The following TOR1AIP2 variants were observed in gnomAD, a reference collection of about 807,000 sequenced individuals.
TOR1AIP2 encodes torsin 1A interacting protein 2, also known as torsin-1A-interacting protein 2.
A neutral mutation model predicts 32.6 loss-of-function variants in TOR1AIP2; 20 were observed. The ratio of observed to expected loss-of-function variants is 0.61; its 90% CI spans 0.43 to 0.89. The LOEUF (loss-of-function observed/expected upper bound fraction) is 0.89, where lower values mean the gene tolerates loss of function less well. Ranked by LOEUF, TOR1AIP2 falls within the 40% of genes least tolerant of loss-of-function variation. TOR1AIP2 has a pLI of 0.00. For missense variants in TOR1AIP2, 456 were observed against 553.8 expected (o/e 0.82, Z 1.77); for synonymous variants, 214 against 210.8 (o/e 1.02, Z -0.13).
intron 3 of TOR1AIP2, among the ~76,000 whole-genome samples, chr1:179,856,694 G>A (rs969179983): frequency 6.6e-6 from 1 of 152,058 alleles, no homozygotes; most frequent in East Asian, 1.9e-4. Context: ...TTGGCTCACC[G>A]CAACCTCCAA....
chr1:179,852,913 T>A (rs1696170538), intron 3 of TOR1AIP2, 102 bp from the exon 4 acceptor site: 1 of 897,870 alleles, frequency 1.1e-6, no homozygotes, highest in Non-Finnish European at 1.4e-6. Flanking sequence ...GAGTACTATT[T>A]CCTCTGTGAA....
intron 2 of TOR1AIP2, chr1:179,868,774 C>T (rs1696895398): frequency 6.6e-6 from 1 of 151,990 alleles, no homozygotes; most frequent in Non-Finnish European, 1.5e-5. Flanking sequence ...AAAATAAACA[C>T]ATGCACACAT....
At chr1:179,865,290 C>T in intron 3 of TOR1AIP2, 146 bp downstream of exon 3, 1 of 1,340,044 alleles carries the variant, frequency 7.5e-7, no homozygotes, top group Non-Finnish European at 1.0e-6. Context: ...TTTCTTAGTT[C>T]AACCAATATT....
At chr1:179,850,093 C>T (rs1056284164) in intron 5 of TOR1AIP2, among the ~76,000 whole-genome samples, 1 of 152,184 alleles carries the variant, frequency 6.6e-6, no homozygotes, top group African/African-American at 2.4e-5. Context: ...CAAACCCACA[C>T]AGACAATCAC....
intron 3 of TOR1AIP2, among the ~76,000 whole-genome samples, chr1:179,855,698 A>G (rs1334718806): frequency 6.6e-6 from 1 of 152,242 alleles, no homozygotes; most frequent in Admixed American, 6.5e-5. Context: ...CGTATAATAG[A>G]GAATCTCATT....
At chr1:179,858,520 CTTTTCTGTATG>C (rs1486555713) in intron 3 of TOR1AIP2, among the ~76,000 whole-genome samples, 1 of 152,106 alleles carries the variant, frequency 6.6e-6, no homozygotes, top group African/African-American at 2.4e-5. Context: ...ATTCTCTGCA[CTTTTCTGTATG>C]TTTGATGTAG....
At chr1:179,864,553 A>C in intron 3 of TOR1AIP2, 1 of 1,259,712 alleles carries the variant, frequency 7.9e-7, no homozygotes, top group South Asian at 2.7e-5. Context: ...GATTAGCCTC[A>C]GTCTAGATGA....
At position 179,849,651 on chromosome 1, in the gene TOR1AIP2, G is replaced by A. The variant is rs1227894959; in HGVS notation, c.553+1194C>T. On this transcript the variant is annotated intron_variant, in intron 5 of 6. Transcript: ENST00000609928. ...GCTAGAATGCAGTGGCTATTCACAG[G>A]GGTGATCATAGCACACTGCAGGCTT... Among the ~76,000 whole-genome samples, 4 of 150,706 alleles carry A rather than the reference G, an allele frequency of 2.7e-5. No individual in the cohort carries two copies. The East Asian group carries it at 8.0e-4, about 30-fold the overall frequency.
intron 2 of TOR1AIP2, among the ~76,000 whole-genome samples, chr1:179,872,569 G>A (rs1489860609): frequency 2.6e-5 from 4 of 152,182 alleles, no homozygotes; most frequent in East Asian, 3.9e-4. Flanking sequence ...TACTAGCCTC[G>A]GAACAAAAAG....
At chr1:179,875,593 G>GA (rs1373493114) in intron 2 of TOR1AIP2, 1 of 152,032 alleles carries the variant, frequency 6.6e-6, no homozygotes, top group Non-Finnish European at 1.5e-5. Context: ...AGGGCTGAAG[G>GA]AAAATCTCTA....
At chr1:179,863,113 C>A in intron 3 of TOR1AIP2, 1 of 332,752 alleles carries the variant, frequency 3.0e-6, no homozygotes, top group Non-Finnish European at 4.3e-6. Context: ...GTAGTCCCAG[C>A]TACTCGGGAG....
At chr1:179,865,363 AT>A (rs777174402) in intron 3 of TOR1AIP2, 72 bp downstream of exon 3, 4 of 686,720 alleles carry the variant, frequency 5.8e-6, no homozygotes, top group Non-Finnish European at 9.5e-6. Flanking sequence ...TTCGTTGTCT[AT>A]TTTTCACTCA....
intron 3 of TOR1AIP2, among the ~76,000 whole-genome samples, chr1:179,858,378 G>A (rs925406846): frequency 1.3e-5 from 2 of 151,996 alleles, no homozygotes; most frequent in Non-Finnish European, 2.9e-5. Context: ...TCCATTTAGT[G>A]CTTGCTTCTG....
chr1:179,851,209 A>C lies in TOR1AIP2; in HGVS notation c.189T>G (p.Ser63Arg). Residue 63 changes from serine to arginine, a missense_variant, in exon 5 of 7, where the codon AGT becomes AGG. Transcript: ENST00000609928. The part of the protein sequence containing the change: ...HQEVETEGPE[S>R]ADTGDKSESP... The stretch of plus-strand genomic sequence containing the variant: ...TTTCTGATTTATCACCTGTATCTGC[A>C]CTTTCTGGACCTTCTGTCTCTACCT... The C allele has an allele frequency of 6.2e-7, 1 of 1,610,242 alleles. No homozygotes were observed. Among genetic ancestry groups the C allele is most frequent in the Non-Finnish European group, 8.5e-7 (1 of 1,178,414 alleles).
In TOR1AIP2 at chr1:179,852,618, C is replaced by A. The variant is rs978514884; in HGVS notation, c.34+14G>T. On this transcript the variant is annotated intron_variant, in intron 4 of 6. Coordinates refer to ENST00000609928, the MANE Select transcript of TOR1AIP2 (RefSeq NM_001199260.2). ...CTACAGCAGCAACCTCAGTGCCAGA[C>A]AAATCAGTCTTACCCTCTTGAGGTT... 1.2e-6 allele frequency: 2 copies of A among 1,613,826 alleles called. No homozygotes were observed. The highest frequency in any genetic ancestry group is 2.7e-5 in the African/African-American group (2 of 74,914).
At chr1:179,862,084 C>T in intron 3 of TOR1AIP2, 1 of 985,356 alleles carries the variant, frequency 1.0e-6, no homozygotes, top group Non-Finnish European at 1.2e-6. Context: ...CAAGAAATCT[C>T]CATTTTTAAA....
At chr1:179,865,047 T>C (rs1173184421) in intron 3 of TOR1AIP2, 1 of 1,613,940 alleles carries the variant, frequency 6.2e-7, no homozygotes, top group South Asian at 1.1e-5. Context: ...TCAGCTCTGT[T>C]AATACGGTCT....
chr1:179,849,958 G>A (rs1359817450), intron 5 of TOR1AIP2, among the ~76,000 whole-genome samples: 2 of 152,208 alleles, frequency 1.3e-5, no homozygotes, highest in African/African-American at 2.4e-5. Context: ...TCATTGATTT[G>A]CAGTGAAACA....
intron 3 of TOR1AIP2, chr1:179,862,327 A>C (rs1696572616): frequency 1.3e-5 from 13 of 984,544 alleles, no homozygotes; most frequent in African/African-American, 1.7e-5. Flanking sequence ...ACTGATCATA[A>C]TACTATTCTC....
Sources: gnomAD v4.1 joint callset for allele counts (sites outside exome capture counted in the v4.1 genomes callset) on GRCh38, gnomAD v4.1.1 for gene constraint, MANE v1.5 for transcripts, NCBI Gene and HGNC (gene_info 2026-07-23, HGNC 2026-07-21) for gene names.